ZFC3H1: variants seen among roughly 807,000 people sequenced by gnomAD.
The protein encoded by ZFC3H1 is zinc finger C3H1 domain-containing protein.
In ZFC3H1, 71 loss-of-function variants were observed where a neutral mutation model predicts 243.7. That is an observed-to-expected ratio of 0.29 (90% CI 0.24 to 0.36). ZFC3H1 has a LOEUF of 0.36. Among genes scored for constraint, ZFC3H1 ranks in the 10% least tolerant of loss-of-function variants. The probability of loss-of-function intolerance (pLI) is 1.00; values close to 1 mark genes in which losing one functional copy is unlikely to be tolerated. For missense variants in ZFC3H1, 1,966 were observed against 2,317.1 expected, an observed-to-expected ratio of 0.85 and a Z score of 3.11; for synonymous variants, 838 against 813.0, an observed-to-expected ratio of 1.03 and a Z score of -0.52.
At chr12:71,662,472 A>AC (rs2137570413) in intron 1 of ZFC3H1, among the ~76,000 whole-genome samples, 1 of 151,074 alleles carries the variant, frequency 6.6e-6, no homozygotes, top group South Asian at 2.1e-4. Context: ...TGGTAAAGAC[A>AC]CCAGAGTTGT....
chr12:71,620,305 T>C lies in ZFC3H1; in HGVS notation c.4755A>G (p.Lys1585=), dbSNP rs1170898307. ...MLLAVFEDAV[K]ACTDESLAVE... ...CAGCAAGGCTCTCATCTGTGCAAGCTTTCACTGCATCTACCCAAAAACATC... is the reference window on the plus strand; with the variant it reads ...CAGCAAGGCTCTCATCTGTGCAAGCCTTCACTGCATCTACCCAAAAACATC... Residue 1585 remains lysine, a synonymous_variant, in exon 25 of 35, where the codon AAA becomes AAG. Transcript: ENST00000378743. The C allele has an allele frequency of 6.2e-7, 1 of 1,613,982 alleles. No homozygotes were observed. Among genetic ancestry groups the C allele is most frequent in the African/African-American group, 1.3e-5 (1 of 74,890 alleles).
intron 27 of ZFC3H1, among the ~76,000 whole-genome samples, chr12:71,616,675 G>A (rs1188452777): frequency 1.3e-5 from 2 of 152,130 alleles, no homozygotes; most frequent in African/African-American, 4.8e-5. Flanking sequence ...TCGCAAAAAT[G>A]ACAATCTAGT....
In ZFC3H1 at chr12:71,632,901, T is replaced by A. The variant is rs1283202445; in HGVS notation, c.2802A>T (p.Glu934Asp). Residue 934 changes from glutamate to aspartate, a missense_variant, in exon 14 of 35, where the codon GAA becomes GAT. Transcript: ENST00000378743. ...ASKEIGKRKLEQDRFGPNKMM... is the reference protein window; with the variant it reads ...ASKEIGKRKLDQDRFGPNKMM... The stretch of plus-strand genomic sequence containing the variant: ...AAACCCTCACCCCAAAGCGATCTTG[T>A]TCCAGTTTACGTTTTCCTATTTCTT... 2 of 1,612,288 alleles carry A rather than the reference T, an allele frequency of 1.2e-6. No individual in the cohort carries two copies. The highest frequency in any genetic ancestry group is 1.7e-6 in the Non-Finnish European group (2 of 1,179,540).
At chr12:71,635,909 A>C (rs1236463737) in intron 9 of ZFC3H1, among the ~76,000 whole-genome samples, 1 of 152,202 alleles carries the variant, frequency 6.6e-6, no homozygotes, top group African/African-American at 2.4e-5. Flanking sequence ...AATTATCAAA[A>C]TTCTGTACTT....
chr12:71,633,521 C>G (rs1442832705), intron 12 of ZFC3H1, 83 bp from the exon 13 acceptor site: 1 of 1,163,378 alleles, frequency 8.6e-7, no homozygotes, highest in Non-Finnish European at 1.2e-6. Context: ...AAAGTAATAA[C>G]ACAATTTTTA....
chr12:71,650,634 A>G (rs75841512), intron 2 of ZFC3H1, among the ~76,000 whole-genome samples: 4,961 of 152,280 alleles, frequency 0.033, 283 homozygotes, highest in African/African-American at 0.11. Context: ...TATTTAAAAC[A>G]AACAAAAGAC....
Position 71,619,185 on chromosome 12 carries a change from T to G in ZFC3H1, c.5144+130A>C, listed in dbSNP as rs978677091. 50 of 681,998 alleles carry G rather than the reference T, an allele frequency of 7.3e-5. 1 individual carries two copies. Among genetic ancestry groups the G allele is most frequent in the Admixed American group, 3.2e-5 (1 of 30,874 alleles). 42.2% of individuals were successfully genotyped at this position (681,998 alleles called of 1,614,324 possible). Reference sequence around the variant, plus strand: ...TGTTCTATTTATTCTGTTTCAAGTATTCTGTTAAGTGGGTATTCAAGTACT... The same window carrying G: ...TGTTCTATTTATTCTGTTTCAAGTAGTCTGTTAAGTGGGTATTCAAGTACT... On this transcript the variant is annotated intron_variant, in intron 27 of 34. Coordinates refer to ENST00000378743, the MANE Select transcript of ZFC3H1 (RefSeq NM_144982.5).
At position 71,642,435 on chromosome 12, in the gene ZFC3H1, C is replaced by T; in HGVS notation, c.1627+1G>A. ...CAAAGGTTTCAAGTTTTGGCTCATA[C>T]CTGGAGAACTGGTTTCACTATCTGT... is the stretch of plus-strand genomic sequence containing the variant. On this transcript the variant is annotated splice_donor_variant, in intron 6 of 34. Coordinates refer to ENST00000378743, the MANE Select transcript of ZFC3H1 (RefSeq NM_144982.5). LOFTEE classifies it high-confidence loss of function. The T allele has an allele frequency of 1.2e-6, 2 of 1,611,144 alleles. No individual in the cohort carries two copies. Among genetic ancestry groups the T allele is most frequent in the Non-Finnish European group, 1.7e-6 (2 of 1,178,694 alleles).
chr12:71,662,916 CTGA>C, intron 1 of ZFC3H1, 94 bp downstream of exon 1: 1 of 1,226,058 alleles, frequency 8.2e-7, no homozygotes, highest in Non-Finnish European at 1.1e-6. Flanking sequence ...ATAAGCGGTT[CTGA>C]TGATTCAAAG....
At chr12:71,619,542 T>G in intron 26 of ZFC3H1, 133 bp from the exon 27 acceptor site, 1 of 749,794 alleles carries the variant, frequency 1.3e-6, no homozygotes, top group Admixed American at 3.0e-5. Context: ...GCGGAGGGGA[T>G]AAGTTTGAGA....
At chr12:71,628,776 C>T in intron 20 of ZFC3H1, 142 bp downstream of exon 20, 1 of 766,356 alleles carries the variant, frequency 1.3e-6, no homozygotes, top group Non-Finnish European at 1.9e-6. Flanking sequence ...ACTGTATTGT[C>T]TAAAAACCCA....
At chr12:71,638,677 C>T (rs577969447) in intron 6 of ZFC3H1, among the ~76,000 whole-genome samples, 162 bp from the exon 7 acceptor site, 1 of 152,204 alleles carries the variant, frequency 6.6e-6, no homozygotes, top group East Asian at 1.9e-4. Context: ...CACCTCCAGC[C>T]ATTTAAAATT....
intron 23 of ZFC3H1, among the ~76,000 whole-genome samples, chr12:71,623,832 T>C (rs1691485345): frequency 6.6e-6 from 1 of 152,214 alleles, no homozygotes; most frequent in South Asian, 2.1e-4. Flanking sequence ...TTTTCCTTTA[T>C]GGCTTAAATC....
intron 2 of ZFC3H1, among the ~76,000 whole-genome samples, chr12:71,650,835 G>A (rs916207315): frequency 6.6e-6 from 1 of 152,030 alleles, no homozygotes; most frequent in South Asian, 2.1e-4. Context: ...CCCTGTAAGA[G>A]CTCCCCATTT....
intron 6 of ZFC3H1, among the ~76,000 whole-genome samples, chr12:71,641,966 T>C (rs1022585092): frequency 1.3e-5 from 2 of 152,108 alleles, no homozygotes; most frequent in African/African-American, 4.8e-5. Context: ...TCTCATGCCT[T>C]AGCCTCCCAA....
chr12:71,646,629 T>A (rs1437779231), intron 3 of ZFC3H1, among the ~76,000 whole-genome samples: 1 of 152,246 alleles, frequency 6.6e-6, no homozygotes, highest in Non-Finnish European at 1.5e-5. Context: ...ATTATTTAAT[T>A]TTTTTCAACT....
At chr12:71,632,597 C>A in intron 14 of ZFC3H1, 83 bp from the exon 15 acceptor site, 1 of 1,413,366 alleles carries the variant, frequency 7.1e-7, no homozygotes, top group South Asian at 1.5e-5. Flanking sequence ...GCTATCCCCA[C>A]CATACAATGC....
chr12:71,611,615 T>C (rs998866437), intron 32 of ZFC3H1, 171 bp downstream of exon 32: 11 of 160,686 alleles, frequency 6.8e-5, no homozygotes, highest in Middle Eastern at 6.8e-3. Context: ...TAAACCTCAG[T>C]AAATGCTAAA....
intron 1 of ZFC3H1, 22 bp from the exon 2 acceptor site, chr12:71,657,323 C>T: frequency 1.4e-6 from 2 of 1,430,292 alleles, no homozygotes; most frequent in African/African-American, 2.9e-5. Context: ...ATTAAGGAAA[C>T]CAGTTTCCAA....
Sources: gnomAD v4.1 joint callset for allele counts (sites outside exome capture counted in the v4.1 genomes callset) on GRCh38, gnomAD v4.1.1 for gene constraint, MANE v1.5 for transcripts, NCBI Gene and HGNC (gene_info 2026-07-23, HGNC 2026-07-21) for gene names.